Variants in SLC25A48 observed in about 807,000 individuals in gnomAD.
The protein encoded by SLC25A48 is solute carrier family 25 member 48, also known as CTC-321K16.1.
Under a neutral mutation model 32.2 loss-of-function variants are expected in SLC25A48, and 29 were observed. The ratio of observed to expected loss-of-function variants is 0.90; its 90% CI spans 0.67 to 1.23. SLC25A48 has a LOEUF of 1.23. Ranked by LOEUF, SLC25A48 falls within the 50% of genes most tolerant of loss-of-function variation. The probability of loss-of-function intolerance (pLI) is 0.00; values close to 1 mark genes in which losing one functional copy is unlikely to be tolerated. For synonymous variants in SLC25A48, 164 were observed against 172.3 expected, an observed-to-expected ratio of 0.95 and a Z score of 0.38; for missense variants, 399 against 422.7, an observed-to-expected ratio of 0.94 and a Z score of 0.49.
At chr5:135,881,155 C>T (rs150176429) in intron 7 of SLC25A48, among the ~76,000 whole-genome samples, 96 of 152,328 alleles carry the variant, frequency 6.3e-4, no homozygotes, top group African/African-American at 2.1e-3. Flanking sequence ...CATTGTCTGG[C>T]CCCATACCGG....
chr5:135,750,145 C>T (rs1755735275), intron 3 of SLC25A48, among the ~76,000 whole-genome samples: 1 of 152,232 alleles, frequency 6.6e-6, no homozygotes, highest in South Asian at 2.1e-4. Flanking sequence ...GTTCCTGCCT[C>T]TGGGTTTCTT....
chr5:135,865,121 A>T (rs1255591589), intron 4 of SLC25A48, among the ~76,000 whole-genome samples: 1 of 152,238 alleles, frequency 6.6e-6, no homozygotes, highest in African/African-American at 2.4e-5. Context: ...CAGGCCACTT[A>T]TTCTCTGCCT....
At chr5:135,774,913 G>T (rs752232685) in intron 3 of SLC25A48, among the ~76,000 whole-genome samples, 3 of 151,712 alleles carry the variant, frequency 2.0e-5, no homozygotes, top group Non-Finnish European at 4.4e-5. Flanking sequence ...CCGTGATATT[G>T]TTTCTAATTC....
chr5:135,775,400 C>T (rs1177452932), intron 3 of SLC25A48, among the ~76,000 whole-genome samples: 1 of 151,622 alleles, frequency 6.6e-6, no homozygotes, highest in Non-Finnish European at 1.5e-5. Context: ...GATGACATTA[C>T]TCCCTATATT....
intron 5 of SLC25A48, among the ~76,000 whole-genome samples, chr5:135,873,213 G>A (rs1270300216): frequency 1.3e-5 from 2 of 152,166 alleles, no homozygotes; most frequent in African/African-American, 4.8e-5. Flanking sequence ...GGCAGTCTAA[G>A]GTCTCTTTTG....
intron 3 of SLC25A48, among the ~76,000 whole-genome samples, chr5:135,807,006 T>C (rs1017612119): frequency 7.3e-5 from 11 of 150,532 alleles, no homozygotes; most frequent in Non-Finnish European, 1.5e-4. Flanking sequence ...ATATTATAAA[T>C]ATCAGAGATA....
At chr5:135,774,368 A>G (rs568176252) in intron 3 of SLC25A48, among the ~76,000 whole-genome samples, 3 of 151,592 alleles carry the variant, frequency 2.0e-5, no homozygotes, top group South Asian at 2.1e-4. Flanking sequence ...CACTCCTTCA[A>G]TGATACTGTT....
At chr5:135,777,711 AG>A (rs1756602650) in intron 3 of SLC25A48, among the ~76,000 whole-genome samples, 1 of 151,158 alleles carries the variant, frequency 6.6e-6, no homozygotes, top group Non-Finnish European at 1.5e-5. Context: ...CCTAATATCC[AG>A]GTAAAATAGA....
chr5:135,824,762 G>A (rs1179434499), intron 4 of SLC25A48: 4 of 152,442 alleles, frequency 2.6e-5, no homozygotes, highest in Non-Finnish European at 5.9e-5. Flanking sequence ...TGCCCACTGA[G>A]AAGGAGGCAC....
chr5:135,831,980 G>A (rs1198120436), upstream of SLC25A48, among the ~76,000 whole-genome samples: 3 of 152,126 alleles, frequency 2.0e-5, no homozygotes, highest in East Asian at 1.9e-4. Flanking sequence ...AGGACTTTGC[G>A]GCTGGTGGGA....
intron 7 of SLC25A48, among the ~76,000 whole-genome samples, chr5:135,886,808 CT>C (rs1762756388): frequency 6.6e-6 from 1 of 150,514 alleles, no homozygotes; most frequent in African/African-American, 2.4e-5. Context: ...GCATTAATTT[CT>C]GTTGTCATGG....
intron 1 of SLC25A48, among the ~76,000 whole-genome samples, chr5:135,625,728 A>G (rs1580733065): frequency 1.3e-5 from 2 of 152,230 alleles, no homozygotes; most frequent in East Asian, 3.9e-4. Context: ...CAGGTAGAAC[A>G]GGGGGAAGAA....
chr5:135,816,851 C>T (rs932925487), intron 4 of SLC25A48, among the ~76,000 whole-genome samples: 54 of 152,236 alleles, frequency 3.5e-4, no homozygotes, highest in African/African-American at 1.2e-3. Flanking sequence ...CAGCTTTCAA[C>T]CTGAAGGCAT....
intron 7 of SLC25A48, chr5:135,883,216 C>T (rs1450900559): frequency 1.0e-6 from 1 of 985,452 alleles, no homozygotes; most frequent in Non-Finnish European, 1.2e-6. Flanking sequence ...CATTCTCATC[C>T]CCACCCCGGC....
At chr5:135,852,856 G>A in intron 4 of SLC25A48, 35 bp downstream of exon 4, 1 of 1,581,800 alleles carries the variant, frequency 6.3e-7, no homozygotes, top group Non-Finnish European at 8.6e-7. Context: ...TGGTGTCTGG[G>A]ACTTGTGGCC....
At chr5:135,607,634 A>G (rs1396440) in intron 1 of SLC25A48, among the ~76,000 whole-genome samples, 10,193 of 152,284 alleles carry the variant, frequency 0.067, 363 homozygotes, top group South Asian at 0.15. Context: ...CTCTGAGTGT[A>G]TATGTTTTCC....
intron 2 of SLC25A48, among the ~76,000 whole-genome samples, chr5:135,843,108 C>A (rs1759138329): frequency 6.6e-6 from 1 of 152,158 alleles, no homozygotes; most frequent in Non-Finnish European, 1.5e-5. Flanking sequence ...CCATGCTCAC[C>A]CTCTTGATGG....
At chr5:135,814,495 A>G (rs533690499) in intron 4 of SLC25A48, among the ~76,000 whole-genome samples, 1 of 152,286 alleles carries the variant, frequency 6.6e-6, no homozygotes, top group East Asian at 1.9e-4. Context: ...GATGGGTCAG[A>G]TGGTCCCTGT....
intron 1 of SLC25A48, among the ~76,000 whole-genome samples, chr5:135,837,847 A>G (rs751587244): frequency 6.6e-6 from 1 of 152,254 alleles, no homozygotes; most frequent in African/African-American, 2.4e-5. Flanking sequence ...TGTCTTTATT[A>G]GCAGAATAAG....
Sources: gnomAD v4.1 joint callset for allele counts (sites outside exome capture counted in the v4.1 genomes callset) on GRCh38, gnomAD v4.1.1 for gene constraint, MANE v1.5 for transcripts, NCBI Gene and HGNC (gene_info 2026-07-23, HGNC 2026-07-21) for gene names.